The following PKHD1 variants were observed in gnomAD, a reference collection of about 807,000 sequenced individuals.
The protein encoded by PKHD1 is fibrocystin.
A neutral mutation model predicts 412.0 loss-of-function variants in PKHD1; 291 were observed. That is an observed-to-expected ratio of 0.71 (90% CI 0.64 to 0.78). The LOEUF is 0.78. Ranked by LOEUF, PKHD1 falls within the 30% of genes least tolerant of loss-of-function variation. The pLI, the probability that PKHD1 is intolerant of heterozygous loss-of-function variation, is 0.00. For synonymous variants in PKHD1, 1,777 were observed against 1,821.5 expected (o/e 0.98, Z 0.62); for missense variants, 4,825 against 4,950.7 (o/e 0.97, Z 0.76).
intron 35 of PKHD1, among the ~76,000 whole-genome samples, chr6:51,978,636 G>A (rs545942275): frequency 3.3e-5 from 5 of 152,242 alleles, no homozygotes; most frequent in South Asian, 4.1e-4. Flanking sequence ...AGATGAGGCC[G>A]TTTTGACATC....
rs1224475626 is a variant in PKHD1, at chr6:51,748,316, C to T, written c.9300G>A (p.Glu3100=). 1.9e-6 allele frequency: 3 copies of T among 1,613,938 alleles called. No individual in the cohort carries two copies. The highest frequency in any genetic ancestry group is 3.3e-5 in the Admixed American group (2 of 59,984). ...NLHGNVVAGS[E]RLGFHIRGHK... ...GGCCTCGGATGTGAAAGCCAAGTCT[C>T]TCTGATCCTGCCACAACGTTGCCAT... The change falls in exon 58 of 67, where the codon GAG becomes GAA. Residue 3100 remains glutamate, a synonymous_variant. Coordinates refer to ENST00000371117, the MANE Select transcript of PKHD1 (RefSeq NM_138694.4).
At chr6:51,880,836 G>C (rs1407970675) in intron 46 of PKHD1, among the ~76,000 whole-genome samples, 5 of 139,952 alleles carry the variant, frequency 3.6e-5, no homozygotes, top group African/African-American at 1.3e-4. Flanking sequence ...CGTGGTGGCA[G>C]GTGCCTGTGG....
intron 52 of PKHD1, among the ~76,000 whole-genome samples, chr6:51,817,282 T>C (rs1765618561): frequency 6.6e-6 from 1 of 152,162 alleles, no homozygotes; most frequent in South Asian, 2.1e-4. Flanking sequence ...ATTCACAAAA[T>C]GTGTGTCATC....
chr6:51,654,443 C>T (rs1010032409), intron 61 of PKHD1, among the ~76,000 whole-genome samples: 26 of 151,978 alleles, frequency 1.7e-4, no homozygotes, highest in African/African-American at 5.3e-4. Context: ...TCGGTTAACA[C>T]TGGGGAATAA....
intron 35 of PKHD1, among the ~76,000 whole-genome samples, chr6:51,971,943 G>A (rs1399316160): frequency 1.3e-5 from 2 of 151,948 alleles, no homozygotes; most frequent in Non-Finnish European, 2.9e-5. Flanking sequence ...TGTTTCCCTG[G>A]CTGGTCCCAA....
intron 37 of PKHD1, among the ~76,000 whole-genome samples, chr6:51,917,740 G>C (rs1176752882): frequency 1.3e-5 from 2 of 152,200 alleles, no homozygotes; most frequent in African/African-American, 4.8e-5. Flanking sequence ...CAGGTATACA[G>C]AAGGTATAGG....
intron 36 of PKHD1, among the ~76,000 whole-genome samples, chr6:51,948,564 C>T (rs1161965700): frequency 6.6e-6 from 1 of 152,176 alleles, no homozygotes; most frequent in Non-Finnish European, 1.5e-5. Context: ...TAGAAGTAAA[C>T]ACCATGAGAG....
chr6:51,673,936 T>G (rs1775423324), intron 60 of PKHD1, among the ~76,000 whole-genome samples: 1 of 151,984 alleles, frequency 6.6e-6, no homozygotes, highest in Non-Finnish European at 1.5e-5. Flanking sequence ...AGGAACAACT[T>G]TTGGAGGAAC....
At chr6:51,751,839 A>G (rs983817711) in intron 57 of PKHD1, among the ~76,000 whole-genome samples, 17 of 152,208 alleles carry the variant, frequency 1.1e-4, no homozygotes, top group Admixed American at 3.9e-4. Context: ...TTCTCTTATG[A>G]GGATTTTAGG....
chr6:51,721,641 C>T (rs1781938517), intron 60 of PKHD1: 5 of 1,139,490 alleles, frequency 4.4e-6, no homozygotes, highest in Non-Finnish European at 2.2e-6. Flanking sequence ...AAGCAACCAT[C>T]CTCTTCTTTC....
intron 63 of PKHD1, among the ~76,000 whole-genome samples, chr6:51,645,292 GT>G (rs1769942368): frequency 6.6e-6 from 1 of 152,008 alleles, no homozygotes; most frequent in Admixed American, 6.5e-5. Context: ...ATAGATAATT[GT>G]GCTTAAAACA....
intron 55 of PKHD1, among the ~76,000 whole-genome samples, chr6:51,758,054 A>AGAGAGAGAG (rs1485093515): frequency 1.0e-4 from 12 of 115,350 alleles, no homozygotes; most frequent in African/African-American, 3.8e-4. Flanking sequence ...GAGAGAGAGA[A>AGAGAGAGAG]AACAAAGCAA....
intron 66 of PKHD1, 96 bp downstream of exon 66, chr6:51,626,901 C>A: frequency 7.3e-7 from 1 of 1,364,932 alleles, no homozygotes; most frequent in Non-Finnish European, 1.0e-6. Flanking sequence ...GGGCTATAAA[C>A]CAAATTGCTT....
rs765511213 is a variant in PKHD1, at chr6:51,659,698, T to C, written c.10428A>G (p.Gln3476=). The C allele has an allele frequency of 2.5e-6, 4 of 1,613,686 alleles. No homozygotes were observed. The East Asian group carries it at 6.7e-5, about 27-fold the overall frequency. ...RQITKVCFMD[Q]TPQVLRFFLL... The stretch of plus-strand genomic sequence containing the variant: ...GAAAAAAGCGCAAAACTTGAGGAGT[T>C]TGATCCATGAAGCAGACTTTGGTGA... The change falls in exon 61 of 67, where the codon CAA becomes CAG. Residue 3476 remains glutamine (Q), a synonymous_variant. Transcript: ENST00000371117.
At chr6:51,849,479 C>A (rs1192006803) in intron 49 of PKHD1, among the ~76,000 whole-genome samples, 1 of 152,158 alleles carries the variant, frequency 6.6e-6, no homozygotes, top group East Asian at 1.9e-4. Context: ...TACTGTCTTC[C>A]ACAATGGTTG....
At chr6:51,885,572 A>T (rs1778074801) in intron 45 of PKHD1, among the ~76,000 whole-genome samples, 1 of 152,098 alleles carries the variant, frequency 6.6e-6, no homozygotes, top group Admixed American at 6.5e-5. Context: ...AACCTCTGTG[A>T]TCTCCCCTGA....
chr6:52,009,916 T>TGCAG, intron 35 of PKHD1, among the ~76,000 whole-genome samples: 1 of 152,104 alleles, frequency 6.6e-6, no homozygotes, highest in South Asian at 2.1e-4. Flanking sequence ...CAGACATTGC[T>TGCAG]GTCCCGCCAA....
intron 35 of PKHD1, among the ~76,000 whole-genome samples, chr6:51,996,214 T>C (rs982722281): frequency 1.4e-4 from 20 of 143,180 alleles, no homozygotes; most frequent in African/African-American, 4.8e-4. Flanking sequence ...TTTCACTGCA[T>C]TGGCCAGGAT....
chr6:51,805,755 G>A (rs894936542), intron 52 of PKHD1, among the ~76,000 whole-genome samples: 1 of 152,110 alleles, frequency 6.6e-6, no homozygotes, highest in Admixed American at 6.6e-5. Context: ...TTTTCAGAGT[G>A]CTCTGGCTGC....
Sources: gnomAD v4.1 joint callset for allele counts (sites outside exome capture counted in the v4.1 genomes callset) on GRCh38, gnomAD v4.1.1 for gene constraint, MANE v1.5 for transcripts, NCBI Gene and HGNC (gene_info 2026-07-23, HGNC 2026-07-21) for gene names.